The following KREMEN1 variants were observed in gnomAD, a reference collection of about 807,000 sequenced individuals.
KREMEN1 encodes the protein kringle containing transmembrane protein 1, also known as kremen protein 1.
Under a neutral mutation model 46.5 loss-of-function variants are expected in KREMEN1, and 30 were observed. The ratio of observed to expected loss-of-function variants is 0.65; its 90% CI spans 0.48 to 0.88. The LOEUF (loss-of-function observed/expected upper bound fraction) is 0.88, where lower values mean the gene tolerates loss of function less well. Ranked by LOEUF, KREMEN1 falls within the 40% of genes least tolerant of loss-of-function variation. The pLI, the probability that KREMEN1 is intolerant of heterozygous loss-of-function variation, is 0.00. For missense variants in KREMEN1, 533 were observed against 596.9 expected (o/e 0.89, Z 1.11); for synonymous variants, 214 against 230.6 (o/e 0.93, Z 0.65).
chr22:29,086,200 C>T (rs1435392200), intron 1 of KREMEN1, among the ~76,000 whole-genome samples: 1 of 152,094 alleles, frequency 6.6e-6, no homozygotes, highest in African/African-American at 2.4e-5. Context: ...CAGACATTTA[C>T]AGTGAAGGGA....
rs139466314 is a variant in KREMEN1 at position 29,164,094 on chromosome 22, C to T, written c.1417-2950C>T. 7.3e-3 allele frequency among the ~76,000 whole-genome samples: 1,118 copies of T among 152,354 alleles called. 9 individuals carry two copies. Among genetic ancestry groups the T allele is most frequent in the African/African-American group, 0.026 (1,077 of 41,580 alleles). Reference sequence around the variant, plus strand: ...CCTCCCGAGTAGCTGGGATTACAGGCGCGCATTGCTGCGCCCAGCTGAGGA... The same window carrying T: ...CCTCCCGAGTAGCTGGGATTACAGGTGCGCATTGCTGCGCCCAGCTGAGGA... On this transcript the variant is annotated intron_variant, in intron 9 of 9. Coordinates refer to the KREMEN1 transcript ENST00000327813.
intron 1 of KREMEN1, among the ~76,000 whole-genome samples, chr22:29,091,452 T>A (rs910979342): frequency 7.9e-5 from 12 of 152,086 alleles, no homozygotes; most frequent in Admixed American, 2.6e-4. Context: ...TTAAAAAAAA[T>A]TTTATTTTTA....
intron 3 of KREMEN1, among the ~76,000 whole-genome samples, chr22:29,110,966 G>A (rs1569322012): frequency 6.6e-6 from 1 of 152,158 alleles, no homozygotes; most frequent in Non-Finnish European, 1.5e-5. Context: ...CCATGGAGGG[G>A]AGAAATCAGC....
Position 29,144,990 on chromosome 22 carries a change from A to G in KREMEN1, c.*2878A>G. On this transcript the variant is annotated 3_prime_UTR_variant, in exon 9 of 9. Coordinates refer to ENST00000400335, the MANE Select transcript of KREMEN1 (RefSeq NM_001039570.3). The stretch of plus-strand genomic sequence containing the variant: ...ACGATCCGTGGAGCAGCCCCGGGAA[A>G]CCCAAATCTGGCTCAGGACAGCGTA... 2 of 985,506 alleles carry G rather than the reference A, an allele frequency of 2.0e-6. No homozygotes were observed. Among genetic ancestry groups the G allele is most frequent in the Non-Finnish European group, 2.4e-6 (2 of 829,992 alleles). The allele number at this position is 985,506 out of a possible 1,614,324, so 61.0% of individuals were successfully genotyped here.
At chr22:29,131,865 C>CTTTTT (rs71196633) in intron 5 of KREMEN1, among the ~76,000 whole-genome samples, 17 of 45,854 alleles carry the variant, frequency 3.7e-4, no homozygotes, top group East Asian at 5.8e-4. Flanking sequence ...TAGAATAATG[C>CTTTTT]TTTTTTTTTT....
At chr22:29,074,744 A>C (rs897821443) in intron 1 of KREMEN1, among the ~76,000 whole-genome samples, 1 of 152,220 alleles carries the variant, frequency 6.6e-6, no homozygotes, top group Non-Finnish European at 1.5e-5. Flanking sequence ...GGCTTGGATT[A>C]GCGAAAAAGC....
At chr22:29,124,745 G>A (rs889011355) in intron 4 of KREMEN1, among the ~76,000 whole-genome samples, 11 of 152,036 alleles carry the variant, frequency 7.2e-5, no homozygotes, top group African/African-American at 9.7e-5. Context: ...CACCTGCCTC[G>A]GCCTCCCAAA....
intron 3 of KREMEN1, among the ~76,000 whole-genome samples, chr22:29,119,383 C>T (rs2038294516): frequency 6.6e-6 from 1 of 152,208 alleles, no homozygotes; most frequent in Non-Finnish European, 1.5e-5. Context: ...GGCTTCATTA[C>T]ATAGGCATGA....
intron 9 of KREMEN1, chr22:29,154,360 T>C (rs1467209804): frequency 6.6e-6 from 1 of 152,196 alleles, no homozygotes; most frequent in African/African-American, 2.4e-5. Context: ...TGGGTGAAAA[T>C]ACCCTTTTCT....
At position 29,117,945 on chromosome 22, in the gene KREMEN1, T is replaced by C. The variant is rs1241691831; in HGVS notation, c.353-3412T>C. ...CAACACACATTCATTATCTCATGCA[T>C]TCTGCGGGTCAGGAAATGTGGGGTA... On this transcript the variant is annotated intron_variant, in intron 3 of 8. Transcript: ENST00000400335. 2.0e-5 allele frequency among the ~76,000 whole-genome samples: 3 copies of C among 152,224 alleles called. No homozygotes were observed. In the East Asian group the frequency reaches 5.8e-4, roughly 29 times the overall value.
downstream of KREMEN1, chr22:29,146,883 G>A (rs1042623757): frequency 1.3e-6 from 1 of 756,890 alleles, no homozygotes; most frequent in East Asian, 1.3e-4. Context: ...CAAGCGGAGG[G>A]TGTCTGTGGT....
At chr22:29,102,378 A>G (rs2037991298) in intron 3 of KREMEN1, among the ~76,000 whole-genome samples, 1 of 152,224 alleles carries the variant, frequency 6.6e-6, no homozygotes, top group South Asian at 2.1e-4. Context: ...CAGTCTGCTT[A>G]ATCAAATTTT....
chr22:29,134,888 C>G (rs1217116409), intron 5 of KREMEN1, among the ~76,000 whole-genome samples: 1 of 151,986 alleles, frequency 6.6e-6, no homozygotes, highest in East Asian at 1.9e-4. Context: ...CAGAGGGGCT[C>G]CTTCTCCACC....
intron 5 of KREMEN1, among the ~76,000 whole-genome samples, chr22:29,134,561 T>TC (rs2038627304): frequency 1.3e-5 from 2 of 152,012 alleles, no homozygotes; most frequent in South Asian, 4.1e-4. Flanking sequence ...ACAATGTCTT[T>TC]CCCCCCTCCC....
intron 9 of KREMEN1, among the ~76,000 whole-genome samples, chr22:29,163,456 C>A (rs1225328658): frequency 1.3e-5 from 2 of 151,790 alleles, no homozygotes; most frequent in Admixed American, 1.3e-4. Context: ...CGGCTCACTG[C>A]AATATCCGCC....
chr22:29,123,397 A>T (rs1327426156), intron 4 of KREMEN1, among the ~76,000 whole-genome samples: 1 of 152,190 alleles, frequency 6.6e-6, no homozygotes, highest in Non-Finnish European at 1.5e-5. Flanking sequence ...TGAACAAAGC[A>T]ATTTAAAAAT....
At chr22:29,092,906 C>T (rs1465674889) in intron 1 of KREMEN1, among the ~76,000 whole-genome samples, 2 of 152,026 alleles carry the variant, frequency 1.3e-5, no homozygotes, top group African/African-American at 4.8e-5. Flanking sequence ...ACCTGGGAGG[C>T]GGAGGTTGTG....
intron 8 of KREMEN1, 42 bp downstream of exon 8, chr22:29,140,408 G>T (rs774899249): frequency 6.4e-6 from 9 of 1,405,396 alleles, no homozygotes; most frequent in East Asian, 2.3e-5. Flanking sequence ...GAAAGGGAAG[G>T]CTCAGAGTTC....
chr22:29,098,357 A>T (rs1192710349), intron 2 of KREMEN1, among the ~76,000 whole-genome samples: 2 of 152,166 alleles, frequency 1.3e-5, no homozygotes, highest in Non-Finnish European at 2.9e-5. Context: ...TTTGTTGAAC[A>T]TCTTTATAGG....
Sources: gnomAD v4.1 joint callset for allele counts (sites outside exome capture counted in the v4.1 genomes callset) on GRCh38, gnomAD v4.1.1 for gene constraint, MANE v1.5 for transcripts, NCBI Gene and HGNC (gene_info 2026-07-23, HGNC 2026-07-21) for gene names.